PGAP1: variants seen among roughly 807,000 people sequenced by gnomAD.
PGAP1 encodes the protein GPI inositol-deacylase.
In PGAP1, 76 loss-of-function variants were observed where a neutral mutation model predicts 127.0. That is an observed-to-expected ratio of 0.60 (90% confidence interval 0.50 to 0.72). PGAP1 has a LOEUF of 0.72. Among genes scored for constraint, PGAP1 ranks in the 30% least tolerant of loss-of-function variants. PGAP1 has a pLI of 0.00. For synonymous variants in PGAP1, 362 were observed against 366.5 expected (o/e 0.99, Z 0.14); for missense variants, 982 against 1,071.3 (o/e 0.92, Z 1.16).
chr2:196,901,769 A>C (rs768953831), intron 5 of PGAP1, among the ~76,000 whole-genome samples: 2 of 152,230 alleles, frequency 1.3e-5, no homozygotes, highest in Non-Finnish European at 2.9e-5. Context: ...ATCAAAGCTA[A>C]TCATGTTGTT....
At chr2:196,842,699 A>C in intron 26 of PGAP1, 22 bp downstream of exon 26, 1 of 1,295,598 alleles carries the variant, frequency 7.7e-7, no homozygotes, top group South Asian at 1.4e-5. Flanking sequence ...ATATAAGAAA[A>C]AGAAAGATTA....
chr2:196,879,545 A>G (rs867375822), intron 13 of PGAP1, among the ~76,000 whole-genome samples: 7 of 152,142 alleles, frequency 4.6e-5, no homozygotes, highest in Non-Finnish European at 8.8e-5. Flanking sequence ...AAATACAACA[A>G]TTAGCTCGGT....
intron 24 of PGAP1, among the ~76,000 whole-genome samples, 196 bp from the exon 25 acceptor site, chr2:196,844,271 C>A (rs112392148): frequency 1.3e-5 from 2 of 152,082 alleles, no homozygotes; most frequent in Admixed American, 6.5e-5. Flanking sequence ...GCTAGTTCTA[C>A]TGCTAAGAAT....
At chr2:196,875,891 TTTGAGTGG>T in intron 13 of PGAP1, 70 bp from the exon 14 acceptor site, 4 of 773,784 alleles carry the variant, frequency 5.2e-6, no homozygotes, top group Non-Finnish European at 8.6e-6. Context: ...TTACTTGATG[TTTGAGTGG>T]AAAATAAAAG....
At chr2:196,890,746 A>C in intron 10 of PGAP1, 82 bp downstream of exon 10, 1 of 739,942 alleles carries the variant, frequency 1.4e-6, no homozygotes, top group South Asian at 1.8e-5. Context: ...GTAATATTTC[A>C]TAGCTAGGTC....
rs1262407327 is a variant in PGAP1 at position 196,840,391 on chromosome 2, G to A, written c.*843C>T. The A allele has an allele frequency of 1.3e-5, 2 of 151,814 alleles. No individual in the cohort carries two copies. The highest frequency in any genetic ancestry group is 4.8e-5 in the African/African-American group (2 of 41,414). The allele number at this position is 151,814 out of a possible 1,614,324, so 9.4% of individuals were successfully genotyped here. A position where few individuals can be genotyped will look rare whatever the true frequency, so the allele number is the denominator to read the frequency against. The stretch of plus-strand genomic sequence containing the variant: ...TTTTAACAATCCATTATGACCTCAG[G>A]CACTTTTGGCAACCATGGTGCAATG... On this transcript the variant is annotated 3_prime_UTR_variant, in exon 27 of 27. Coordinates refer to ENST00000354764, the MANE Select transcript of PGAP1 (RefSeq NM_024989.4).
intron 10 of PGAP1, among the ~76,000 whole-genome samples, chr2:196,887,946 G>A (rs1232719758): frequency 6.6e-6 from 1 of 152,038 alleles, no homozygotes; most frequent in African/African-American, 2.4e-5. Context: ...TTTTGTAAAG[G>A]GTTTTTGCCG....
intron 1 of PGAP1, among the ~76,000 whole-genome samples, chr2:196,924,638 C>A (rs1461229207): frequency 1.3e-5 from 2 of 152,058 alleles, no homozygotes; most frequent in South Asian, 2.1e-4. Context: ...ACTGTATTAG[C>A]AAATTATTAA....
chr2:196,885,108 G>A (rs1472129247), intron 12 of PGAP1, among the ~76,000 whole-genome samples: 2 of 152,066 alleles, frequency 1.3e-5, no homozygotes, highest in Non-Finnish European at 1.5e-5. Flanking sequence ...TTTAAGGCAG[G>A]CCATTCAAAC....
At chr2:196,866,666 T>C (rs931469398) in intron 19 of PGAP1, among the ~76,000 whole-genome samples, 1 of 151,972 alleles carries the variant, frequency 6.6e-6, no homozygotes, top group African/African-American at 2.4e-5. Flanking sequence ...AAAGAAACTA[T>C]CATCAGAGTG....
chr2:196,871,478 T>C (rs956103046), intron 18 of PGAP1, among the ~76,000 whole-genome samples: 1 of 152,098 alleles, frequency 6.6e-6, no homozygotes, highest in Non-Finnish European at 1.5e-5. Flanking sequence ...GTAAAAAAAA[T>C]GGACATTTTG....
chr2:196,886,312 C>G (rs778596650), intron 10 of PGAP1, among the ~76,000 whole-genome samples: 7 of 151,734 alleles, frequency 4.6e-5, no homozygotes, highest in Non-Finnish European at 8.8e-5. Context: ...AGGTACCCAC[C>G]ACCATGCCCG....
At position 196,841,229 on chromosome 2, in the gene PGAP1, C is replaced by G. The variant is rs1700401988; in HGVS notation, c.*5G>C. The G allele has an allele frequency of 8.7e-6, 14 of 1,609,776 alleles. No individual in the cohort carries two copies. The highest frequency in any genetic ancestry group is 1.2e-5 in the Non-Finnish European group (14 of 1,178,148). ...AATTATCTTCATCATTCCTTAAGTC[C>G]AATCTTACATAAAGTTGCATAATGC... On this transcript the variant is annotated 3_prime_UTR_variant, in exon 27 of 27. Transcript: ENST00000354764.
intron 20 of PGAP1, among the ~76,000 whole-genome samples, chr2:196,851,279 C>T (rs1199708382): frequency 6.6e-6 from 1 of 152,002 alleles, no homozygotes; most frequent in Non-Finnish European, 1.5e-5. Context: ...TCTGCAAAAA[C>T]CACAACTCTG....
chr2:196,844,518 A>G lies in PGAP1; in HGVS notation c.2337+6T>C, dbSNP rs1700504329. On this transcript the variant is annotated splice_donor_region_variant and intron_variant, in intron 24 of 26. Transcript: ENST00000354764. ...ATTTATGTAGAGTTTTGAAAATAAA[A>G]CTTACCACAGGCTGGCTATTCTTAA... 2 of 1,587,410 alleles carry G rather than the reference A, an allele frequency of 1.3e-6. No individual in the cohort carries two copies. Among genetic ancestry groups the G allele is most frequent in the South Asian group, 2.4e-5 (2 of 85,024 alleles).
At chr2:196,863,736 C>T (rs1338707008) in intron 20 of PGAP1, among the ~76,000 whole-genome samples, 1 of 152,128 alleles carries the variant, frequency 6.6e-6, no homozygotes, top group Non-Finnish European at 1.5e-5. Flanking sequence ...CACCACCAAG[C>T]CTGGATAATT....
At chr2:196,888,895 TTCAG>T (rs1012863174) in intron 10 of PGAP1, among the ~76,000 whole-genome samples, 2 of 152,140 alleles carry the variant, frequency 1.3e-5, no homozygotes, top group African/African-American at 4.8e-5. Flanking sequence ...TTTAAAATTT[TTCAG>T]TCAAAAAAAG....
chr2:196,898,035 T>C (rs1702343963), intron 6 of PGAP1, among the ~76,000 whole-genome samples: 1 of 152,274 alleles, frequency 6.6e-6, no homozygotes, highest in South Asian at 2.1e-4. Flanking sequence ...CTGGCCAGCA[T>C]GGTGAAACCT....
intron 1 of PGAP1, among the ~76,000 whole-genome samples, chr2:196,921,339 T>C (rs1355522177): frequency 1.3e-5 from 2 of 152,148 alleles, no homozygotes; most frequent in East Asian, 3.8e-4. Context: ...CAATCTTAGT[T>C]ATCTCCCCAA....
Sources: allele counts gnomAD v4.1 joint callset (sites outside exome capture counted in the v4.1 genomes callset), GRCh38; gene constraint gnomAD v4.1.1; transcripts MANE v1.5; gene names NCBI Gene and HGNC (gene_info 2026-07-23, HGNC 2026-07-21).